Variants in CSNK1A1 observed in about 807,000 individuals in gnomAD.
The protein encoded by CSNK1A1 is casein kinase 1 alpha 1.
In CSNK1A1, 7 loss-of-function variants were observed where a neutral mutation model predicts 46.1. That is an observed-to-expected ratio of 0.15 (90% CI 0.09 to 0.29). The LOEUF is 0.29. CSNK1A1 is among the 10% of genes least tolerant of loss of function. The probability of loss-of-function intolerance (pLI) is 1.00; values close to 1 mark genes in which losing one functional copy is unlikely to be tolerated. For synonymous variants in CSNK1A1, 137 were observed against 141.5 expected, an observed-to-expected ratio of 0.97 and a Z score of 0.23; for missense variants, 96 against 417.1, an observed-to-expected ratio of 0.23 and a Z score of 6.71.
chr5:149,503,146 G>C, intron 9 of CSNK1A1: 1 of 985,414 alleles, frequency 1.0e-6, no homozygotes, highest in Non-Finnish European at 1.2e-6. Flanking sequence ...TTAGAGACTG[G>C]AAGCAGGAAT....
chr5:149,501,642 C>T, intron 9 of CSNK1A1: 1 of 985,250 alleles, frequency 1.0e-6, no homozygotes, highest in Non-Finnish European at 1.2e-6. Context: ...GGGTAGTAAA[C>T]AGATGGGTTA....
At chr5:149,501,202 T>C (rs1760845245) in intron 9 of CSNK1A1, 1 of 985,386 alleles carries the variant, frequency 1.0e-6, no homozygotes. Context: ...AAACCAACTC[T>C]TGCACTTTCA....
At chr5:149,509,725 A>C (rs1761156108) in intron 7 of CSNK1A1, among the ~76,000 whole-genome samples, 154 bp downstream of exon 7, 1 of 152,110 alleles carries the variant, frequency 6.6e-6, no homozygotes, top group South Asian at 2.1e-4. Context: ...CTATTAAGGT[A>C]GAAATGGGGT....
chr5:149,504,848 T>G (rs1488016071), intron 9 of CSNK1A1: 54 of 985,320 alleles, frequency 5.5e-5, no homozygotes, highest in Admixed American at 3.1e-4. Flanking sequence ...AGAAAAGATG[T>G]GCTGAGCTTT....
Position 149,525,102 on chromosome 5 carries a change from G to C in CSNK1A1, c.300C>G (p.Leu100=), listed in dbSNP as rs1196785543. 6.2e-7 allele frequency: 1 copy of C among 1,613,316 alleles called. No individual in the cohort carries two copies. ...TGAACCTTCTTGAACAGAAATTGAA[G>C]AGGTCTTCGAGGCTAGGTCCCAGAA... is the stretch of plus-strand genomic sequence containing the variant. ...MDLLGPSLED[L]FNFCSRRFTM... Residue 100 remains leucine (L), a synonymous_variant, in exon 3 of 10, where the codon CTC becomes CTG. Coordinates refer to ENST00000377843, the MANE Select transcript of CSNK1A1 (RefSeq NM_001892.6). This position sits in a 1 kb window ranked among gnomAD's most constrained non-coding sequence, Gnocchi z 4.2.
chr5:149,503,711 G>C (rs942608080), intron 9 of CSNK1A1: 23 of 985,238 alleles, frequency 2.3e-5, no homozygotes, highest in Non-Finnish European at 2.8e-5. Flanking sequence ...GACATGGATA[G>C]GGCAGGACAC....
intron 9 of CSNK1A1, chr5:149,497,106 C>A: frequency 8.0e-7 from 1 of 1,254,512 alleles, no homozygotes; most frequent in South Asian, 2.6e-5. Flanking sequence ...AGCCTCTCAG[C>A]ATACTAAAAT....
chr5:149,496,353 C>A lies in CSNK1A1; in HGVS notation c.*500G>T. The A allele has an allele frequency of 6.5e-6, 1 of 153,126 alleles. No homozygotes were observed. The highest frequency in any genetic ancestry group is 1.5e-5 in the Non-Finnish European group (1 of 68,394). The allele number at this position is 153,126 out of a possible 1,614,324, so 9.5% of individuals were successfully genotyped here. A position where few individuals can be genotyped will look rare whatever the true frequency, so the allele number is the denominator to read the frequency against. ...GCTGGCTTGCAGACAAGAAGCCAAC[C>A]ATTTTAAGAATGTTTTAAGTGAACA... On this transcript the variant is annotated 3_prime_UTR_variant, in exon 10 of 10. Transcript: ENST00000377843.
At chr5:149,519,377 C>CA (rs1761496954) in intron 4 of CSNK1A1, among the ~76,000 whole-genome samples, 2 of 151,832 alleles carry the variant, frequency 1.3e-5, no homozygotes, top group African/African-American at 4.8e-5. Context: ...CACAAAAAAA[C>CA]AAAAAAAGCC....
rs1011370231 is a variant in CSNK1A1 at position 149,550,428 on chromosome 5, C to T, written c.124-247G>A. 1 of 1,181,128 alleles carries T rather than the reference C, an allele frequency of 8.5e-7. No individual in the cohort carries two copies. The highest frequency in any genetic ancestry group is 1.1e-6 in the Non-Finnish European group (1 of 916,238). The allele number at this position is 1,181,128 out of a possible 1,614,324, so 73.2% of individuals were successfully genotyped here. A position where few individuals can be genotyped will look rare whatever the true frequency, so the allele number is the denominator to read the frequency against. On this transcript the variant is annotated intron_variant, in intron 1 of 9. Coordinates refer to ENST00000377843, the MANE Select transcript of CSNK1A1 (RefSeq NM_001892.6). This position sits in a 1 kb window ranked among gnomAD's most constrained non-coding sequence, Gnocchi z 4.3. ...GATTCATCCAGAAAAAAGAGGCAACCTCTGAACGTAGTGAGAGGTTTTTAA... is the reference window on the plus strand; with the variant it reads ...GATTCATCCAGAAAAAAGAGGCAACTTCTGAACGTAGTGAGAGGTTTTTAA...
intron 6 of CSNK1A1, 83 bp downstream of exon 6, chr5:149,511,711 G>T: frequency 1.1e-6 from 1 of 934,180 alleles, no homozygotes; most frequent in South Asian, 1.6e-5. Context: ...GACTTAGAAG[G>T]GACCTTAAAT....
intron 4 of CSNK1A1, among the ~76,000 whole-genome samples, chr5:149,514,493 TA>T (rs780499158): frequency 5.9e-5 from 9 of 152,224 alleles, no homozygotes; most frequent in Non-Finnish European, 1.2e-4. Context: ...TAGGCAGGTC[TA>T]TGTGCCCTTA....
At chr5:149,546,193 C>A (rs1014847872) in intron 2 of CSNK1A1, among the ~76,000 whole-genome samples, 1 of 151,790 alleles carries the variant, frequency 6.6e-6, no homozygotes. Context: ...TGAGCCATGG[C>A]GCCCGGCTTA....
In CSNK1A1 at chr5:149,502,827, G is replaced by A. The variant is rs1391881697; in HGVS notation, c.1006+2620C>T. 22 of 897,550 alleles carry A rather than the reference G, an allele frequency of 2.5e-5. No homozygotes were observed. In the East Asian group the frequency reaches 8.4e-4, roughly 34 times the overall value. 55.6% of individuals were successfully genotyped at this position (897,550 alleles called of 1,614,324 possible). ...TCTGTCACCCAGGCTGGAGTGCAGCGGCACAATCTTGGCTCACTGCAACCT... is the reference window on the plus strand; with the variant it reads ...TCTGTCACCCAGGCTGGAGTGCAGCAGCACAATCTTGGCTCACTGCAACCT... On this transcript the variant is annotated intron_variant, in intron 9 of 9. Transcript: ENST00000377843.
At chr5:149,501,439 T>C (rs1760851965) in intron 9 of CSNK1A1, 1 of 985,418 alleles carries the variant, frequency 1.0e-6, no homozygotes, top group Non-Finnish European at 1.2e-6. Flanking sequence ...CAGCAATTGG[T>C]GAACTCAGAA....
Position 149,500,958 on chromosome 5 carries a change from C to T in CSNK1A1, c.1007-4098G>A, listed in dbSNP as rs184411576. On this transcript the variant is annotated intron_variant, in intron 9 of 9. Coordinates refer to ENST00000377843, the MANE Select transcript of CSNK1A1 (RefSeq NM_001892.6). ...AAAACAGACTGAATTGTTTTGTCTT[C>T]CTTATAACAGAATTCATTCTGCTAC... 8.1e-3 allele frequency: 8,012 copies of T among 984,834 alleles called. 36 individuals are homozygous for T. The highest frequency in any genetic ancestry group is 8.9e-3 in the Non-Finnish European group (7,360 of 829,444). The allele number at this position is 984,834 out of a possible 1,614,324, so 61.0% of individuals were successfully genotyped here.
chr5:149,519,656 G>A (rs908177529), intron 4 of CSNK1A1, among the ~76,000 whole-genome samples: 3 of 152,144 alleles, frequency 2.0e-5, no homozygotes, highest in Admixed American at 1.3e-4. Flanking sequence ...TTGTATGAAT[G>A]TTCATTTCAC....
intron 2 of CSNK1A1, among the ~76,000 whole-genome samples, chr5:149,533,672 T>C (rs1561767420): frequency 1.3e-5 from 2 of 148,346 alleles, no homozygotes; most frequent in Non-Finnish European, 2.9e-5. Flanking sequence ...GGGGACGTAG[T>C]TGCAAAAAAA....
chr5:149,535,426 A>G (rs1762032572), intron 2 of CSNK1A1, among the ~76,000 whole-genome samples: 1 of 152,042 alleles, frequency 6.6e-6, no homozygotes, highest in Non-Finnish European at 1.5e-5. Context: ...AGCCATTACC[A>G]CCCACCATAC....
Sources: gnomAD v4.1 joint callset for allele counts (sites outside exome capture counted in the v4.1 genomes callset) on GRCh38, gnomAD v4.1.1 for gene constraint, Gnocchi (gnomAD v3.1) non-coding constraint, MANE v1.5 for transcripts, NCBI Gene and HGNC (gene_info 2026-07-23, HGNC 2026-07-21) for gene names.